DGKG: variants seen among roughly 807,000 people sequenced by gnomAD.
DGKG encodes diacylglycerol kinase gamma, also known as DAG kinase gamma.
DGKG carries 78 observed loss-of-function variants against 105.3 expected under a neutral mutation model. The observed-to-expected ratio is 0.74, with a 90% CI of 0.62 to 0.89. DGKG has a LOEUF of 0.89. Ranked by LOEUF, DGKG falls within the 40% of genes least tolerant of loss-of-function variation. The probability of loss-of-function intolerance (pLI) is 0.00; values close to 1 mark genes in which losing one functional copy is unlikely to be tolerated. For synonymous variants in DGKG, 346 were observed against 367.1 expected (o/e 0.94, Z 0.66); for missense variants, 958 against 1,020.1 (o/e 0.94, Z 0.83).
At chr3:186,283,113 T>C (rs968983379) in intron 7 of DGKG, among the ~76,000 whole-genome samples, 1 of 152,042 alleles carries the variant, frequency 6.6e-6, no homozygotes, top group African/African-American at 2.4e-5. Flanking sequence ...TTCACCATAT[T>C]GGCCAGGCTG....
Position 186,211,777 on chromosome 3 carries a change from C to G in DGKG, c.1917+18G>C. ...AGAACCAAGATCCAGGAAGCCTTCT[C>G]CCCACTTGGGAACTTACCTCCAACT... On this transcript the variant is annotated intron_variant, in intron 21 of 24. Coordinates refer to ENST00000265022, the MANE Select transcript of DGKG (RefSeq NM_001346.3). The G allele has an allele frequency of 6.2e-7, 1 of 1,601,850 alleles. No individual in the cohort carries two copies. Among genetic ancestry groups the G allele is most frequent in the East Asian group, 2.2e-5 (1 of 44,822 alleles).
In DGKG at chr3:186,160,957, A is replaced by G. The variant is rs1716263876; in HGVS notation, c.2277+646T>C. 4 of 985,226 alleles carry G rather than the reference A, an allele frequency of 4.1e-6. No homozygotes were observed. The South Asian group carries it at 1.4e-4, about 35-fold the overall frequency. The allele number at this position is 985,226 out of a possible 1,614,324, so 61.0% of individuals were successfully genotyped here. Reference sequence around the variant, plus strand: ...TGTTCAGTCTTTTATTCATCATTTGACATGTATTATTGTGCAACTATTACA... The same window carrying G: ...TGTTCAGTCTTTTATTCATCATTTGGCATGTATTATTGTGCAACTATTACA... On this transcript the variant is annotated intron_variant, in intron 24 of 24. Coordinates refer to ENST00000265022, the MANE Select transcript of DGKG (RefSeq NM_001346.3).
intron 1 of DGKG, among the ~76,000 whole-genome samples, chr3:186,325,633 G>A (rs977803411): frequency 6.6e-6 from 1 of 151,840 alleles, no homozygotes; most frequent in African/African-American, 2.4e-5. Context: ...GGAGTCTATT[G>A]TAAGTAAGAG....
intron 20 of DGKG, among the ~76,000 whole-genome samples, chr3:186,223,794 C>A (rs935587280): frequency 2.0e-5 from 3 of 152,214 alleles, no homozygotes. Flanking sequence ...ATCCCTGCCA[C>A]CCATTTCAGA....
chr3:186,209,433 C>T (rs1277886374), intron 21 of DGKG, among the ~76,000 whole-genome samples: 2 of 152,156 alleles, frequency 1.3e-5, no homozygotes, highest in Non-Finnish European at 2.9e-5. Context: ...TGTGCCTCAG[C>T]TTGCTTCCCC....
intron 20 of DGKG, among the ~76,000 whole-genome samples, chr3:186,240,873 A>C (rs187774962): frequency 6.6e-6 from 1 of 151,604 alleles, no homozygotes; most frequent in Non-Finnish European, 1.5e-5. Context: ...TGGGTTGAAG[A>C]GGAGTACTTT....
chr3:186,259,820 C>T (rs1395819573), intron 16 of DGKG, among the ~76,000 whole-genome samples: 1 of 152,136 alleles, frequency 6.6e-6, no homozygotes, highest in African/African-American at 2.4e-5. Context: ...CACCATTAGC[C>T]GCAGACACAG....
At chr3:186,345,330 C>G (rs765757007) in intron 1 of DGKG, among the ~76,000 whole-genome samples, 2 of 152,054 alleles carry the variant, frequency 1.3e-5, no homozygotes, top group Non-Finnish European at 2.9e-5. Flanking sequence ...CATTTTTGAT[C>G]CAATATGAAG....
chr3:186,306,789 A>T (rs1320229965), intron 3 of DGKG, 112 bp downstream of exon 3: 6 of 710,410 alleles, frequency 8.4e-6, no homozygotes, highest in Non-Finnish European at 1.2e-5. Context: ...AAGAGGAAAC[A>T]TGCTGAGGAG....
rs182130863 is a variant in DGKG, at chr3:186,258,730, C to T, written c.1425-791G>A. 3.9e-5 allele frequency among the ~76,000 whole-genome samples: 6 copies of T among 152,216 alleles called. No homozygotes were observed. The South Asian group carries it at 6.2e-4, about 16-fold the overall frequency. ...GTTATTAGACCCACTTCTGGGTCTTCCTATTTGACGTATTGGTGAAGCTCA... is the reference window on the plus strand; with the variant it reads ...GTTATTAGACCCACTTCTGGGTCTTTCTATTTGACGTATTGGTGAAGCTCA... On this transcript the variant is annotated intron_variant, in intron 16 of 24. Coordinates refer to ENST00000265022, the MANE Select transcript of DGKG (RefSeq NM_001346.3).
intron 20 of DGKG, among the ~76,000 whole-genome samples, chr3:186,225,804 C>CAA (rs1719833250): frequency 1.3e-5 from 2 of 152,170 alleles, no homozygotes; most frequent in Non-Finnish European, 2.9e-5. Flanking sequence ...TGGGAATTTC[C>CAA]CTGGACGATG....
intron 2 of DGKG, among the ~76,000 whole-genome samples, 156 bp downstream of exon 2, chr3:186,320,237 T>C (rs538210301): frequency 1.2e-4 from 19 of 152,366 alleles, no homozygotes; most frequent in Admixed American, 3.3e-4. Context: ...GTTTTTATGT[T>C]AAATACACTA....
chr3:186,216,286 A>T (rs1270689690), intron 20 of DGKG, among the ~76,000 whole-genome samples: 1 of 151,756 alleles, frequency 6.6e-6, no homozygotes, highest in Non-Finnish European at 1.5e-5. Flanking sequence ...AGGCCACCGC[A>T]CCCGGCCGAG....
At chr3:186,176,872 A>G (rs759506811) in intron 22 of DGKG, among the ~76,000 whole-genome samples, 10 of 152,188 alleles carry the variant, frequency 6.6e-5, no homozygotes, top group Non-Finnish European at 1.5e-4. Flanking sequence ...GTCCCTGCTG[A>G]TGCCTCTGCT....
At chr3:186,269,964 T>C (rs1374446582) in intron 11 of DGKG, among the ~76,000 whole-genome samples, 1 of 152,082 alleles carries the variant, frequency 6.6e-6, no homozygotes, top group East Asian at 1.9e-4. Flanking sequence ...CTCACCAAAA[T>C]TCTCACTCAA....
chr3:186,333,056 G>A (rs1325105122), intron 1 of DGKG, among the ~76,000 whole-genome samples: 1 of 152,116 alleles, frequency 6.6e-6, no homozygotes, highest in Non-Finnish European at 1.5e-5. Flanking sequence ...ATAACCGTAA[G>A]AAATAAGTTC....
intron 1 of DGKG, among the ~76,000 whole-genome samples, chr3:186,337,368 A>G (rs1725878446): frequency 6.6e-6 from 1 of 152,174 alleles, no homozygotes; most frequent in African/African-American, 2.4e-5. Flanking sequence ...CAATATATGT[A>G]GAAAAAAATT....
intron 10 of DGKG, among the ~76,000 whole-genome samples, chr3:186,274,559 C>T (rs1722488172): frequency 8.0e-6 from 1 of 124,762 alleles, no homozygotes; most frequent in South Asian, 3.1e-4. Flanking sequence ...CACGACAGGC[C>T]CCAGTGTGTG....
intron 21 of DGKG, among the ~76,000 whole-genome samples, chr3:186,205,609 C>T (rs1260319554): frequency 6.6e-6 from 1 of 151,996 alleles, no homozygotes; most frequent in Non-Finnish European, 1.5e-5. Context: ...ACTCAGGAGG[C>T]TGAGGCAGGA....
Sources: gnomAD v4.1 joint callset for allele counts (sites outside exome capture counted in the v4.1 genomes callset) on GRCh38, gnomAD v4.1.1 for gene constraint, MANE v1.5 for transcripts, NCBI Gene and HGNC (gene_info 2026-07-23, HGNC 2026-07-21) for gene names.